Variants in ZNF75D observed in about 807,000 individuals in gnomAD.
The protein encoded by ZNF75D is zinc finger protein 75.
Under a neutral mutation model 33.3 loss-of-function variants are expected in ZNF75D, and 33 were observed. The observed-to-expected ratio is 0.99, with a 90% CI of 0.75 to 1.32. ZNF75D has a LOEUF of 1.32. ZNF75D is among the 40% of genes most tolerant of loss of function. The probability of loss-of-function intolerance (pLI) is 0.00; values close to 1 mark genes in which losing one functional copy is unlikely to be tolerated. For missense variants in ZNF75D, 338 were observed against 367.5 expected, an observed-to-expected ratio of 0.92 and a Z score of 0.66; for synonymous variants, 113 against 130.6, an observed-to-expected ratio of 0.87 and a Z score of 0.92.
At chrX:135,323,873 T>C (rs2084527619) in intron 1 of ZNF75D, among the ~76,000 whole-genome samples, 1 of 111,082 alleles carries the variant, frequency 9.0e-6, no homozygotes, top group Non-Finnish European at 1.9e-5. Context: ...CAGCTCAAAG[T>C]GCATCCTTTC....
chrX:135,300,798 A>G (rs1160476882), intron 1 of ZNF75D, among the ~76,000 whole-genome samples: 3 of 110,169 alleles, frequency 2.7e-5, no homozygotes, highest in Non-Finnish European at 5.7e-5. Context: ...GGAGAACTTT[A>G]TTTCTTAAGT....
At chrX:135,325,985 CCT>C in intron 1 of ZNF75D, among the ~76,000 whole-genome samples, 1 of 111,860 alleles carries the variant, frequency 8.9e-6, no homozygotes, top group African/African-American at 3.2e-5. Flanking sequence ...CAATCAGCAC[CCT>C]GTGTCTAGCT....
intron 2 of ZNF75D, 58 bp from the exon 3 acceptor site, chrX:135,294,316 AC>A: frequency 2.8e-6 from 1 of 356,148 alleles, no homozygotes; most frequent in East Asian, 4.2e-5. Context: ...ACACATATTT[AC>A]TTGCTATTTA....
Position 135,342,945 on chromosome X carries a change from T to C in ZNF75D, c.-1568A>G, listed in dbSNP as rs1356919620. The C allele has an allele frequency of 1.8e-5, 2 of 111,317 alleles. No homozygotes were observed. The highest frequency in any genetic ancestry group is 6.6e-5 in the African/African-American group (2 of 30,415). 9.2% of individuals were successfully genotyped at this position (111,317 alleles called of 1,213,427 possible). ...GCAGAGCCAGGAGTTGAAAGCCCCC[T>C]TTGATCTACCTCCAGAGCGGACACT... On this transcript the variant is annotated 5_prime_UTR_variant, in exon 1 of 7. Coordinates refer to ENST00000370766, the MANE Select transcript of ZNF75D (RefSeq NM_007131.5).
intron 1 of ZNF75D, among the ~76,000 whole-genome samples, chrX:135,321,579 C>A (rs1245478811): frequency 9.0e-5 from 10 of 111,488 alleles, no homozygotes; most frequent in Non-Finnish European, 1.7e-4. Flanking sequence ...GCAGAGAAAG[C>A]TGGAAGATGT....
intron 1 of ZNF75D, among the ~76,000 whole-genome samples, chrX:135,258,986 G>C (rs1463822726): frequency 8.9e-6 from 1 of 112,093 alleles, no homozygotes; most frequent in Non-Finnish European, 1.9e-5. Flanking sequence ...GTGTAAGGAA[G>C]GGATCCAGTT....
At chrX:135,280,164 C>G (rs1287876192) in intron 1 of ZNF75D, among the ~76,000 whole-genome samples, 10 of 111,771 alleles carry the variant, frequency 8.9e-5, no homozygotes, top group African/African-American at 3.3e-4. Flanking sequence ...AATCTGGGTC[C>G]TCCTGTATTG....
At chrX:135,269,786 G>A (rs2083875595) in intron 1 of ZNF75D, among the ~76,000 whole-genome samples, 2 of 111,483 alleles carry the variant, frequency 1.8e-5, no homozygotes, top group Admixed American at 9.6e-5. Flanking sequence ...AAGAGATATC[G>A]GCACTCCCAT....
intron 1 of ZNF75D, among the ~76,000 whole-genome samples, chrX:135,338,248 G>T (rs781994938): frequency 9.0e-6 from 1 of 111,131 alleles, no homozygotes; most frequent in Admixed American, 9.5e-5. Context: ...GCACAAGACA[G>T]GTAGACTCAG....
At chrX:135,266,205 A>T (rs2083862415) in intron 1 of ZNF75D, among the ~76,000 whole-genome samples, 1 of 111,976 alleles carries the variant, frequency 8.9e-6, no homozygotes, top group Admixed American at 9.5e-5. Context: ...GGAAGGAAAG[A>T]AAGAAGGAAG....
chrX:135,312,826 C>T (rs1556429160), intron 1 of ZNF75D, among the ~76,000 whole-genome samples: 1 of 111,316 alleles, frequency 9.0e-6, no homozygotes, highest in Admixed American at 9.5e-5. Flanking sequence ...CCATTTATGG[C>T]ATTTGCCCAC....
chrX:135,326,131 A>G (rs1485245088), intron 1 of ZNF75D, among the ~76,000 whole-genome samples: 2 of 109,992 alleles, frequency 1.8e-5, no homozygotes, highest in African/African-American at 6.7e-5. Flanking sequence ...GTTTGTAAAC[A>G]CACCAATCAG....
intron 1 of ZNF75D, among the ~76,000 whole-genome samples, chrX:135,328,186 C>T (rs2084605566): frequency 9.0e-6 from 1 of 111,007 alleles, no homozygotes; most frequent in Non-Finnish European, 1.9e-5. Flanking sequence ...ACACTGGCTC[C>T]CCACTCAGTC....
At chrX:135,318,618 TATTC>T (rs1347461703) in intron 1 of ZNF75D, among the ~76,000 whole-genome samples, 1 of 112,055 alleles carries the variant, frequency 8.9e-6, no homozygotes. Context: ...ACAAAATTAA[TATTC>T]ATTAACAATT....
intron 1 of ZNF75D, among the ~76,000 whole-genome samples, chrX:135,311,747 G>T (rs991620722): frequency 1.2e-4 from 13 of 111,653 alleles, no homozygotes; most frequent in Admixed American, 1.9e-4. Context: ...TGCTTCTATG[G>T]GTTCAACTTT....
In ZNF75D at chrX:135,312,180, A is replaced by T. The variant is rs1254955816; in HGVS notation, c.-390-16141T>A. Among the ~76,000 whole-genome samples the T allele has an allele frequency of 9.9e-5, 11 of 111,383 alleles. No homozygotes were observed. In the Admixed American group the frequency reaches 1.0e-3, roughly 11 times the overall value. ...ACACCCTTCCCAGACTCTGGTATCTATTATTCCATTCTCTCCCTCTATGAG... is the reference window on the plus strand; with the variant it reads ...ACACCCTTCCCAGACTCTGGTATCTTTTATTCCATTCTCTCCCTCTATGAG... On this transcript the variant is annotated intron_variant, in intron 1 of 6. Coordinates refer to ENST00000370766, the MANE Select transcript of ZNF75D (RefSeq NM_007131.5).
At chrX:135,340,374 C>T (rs1311354903) in intron 1 of ZNF75D, among the ~76,000 whole-genome samples, 2 of 111,866 alleles carry the variant, frequency 1.8e-5, no homozygotes, top group African/African-American at 3.3e-5. Flanking sequence ...GATTCCAAAT[C>T]CCCAAAATTA....
chrX:135,291,163 G>C (rs2084033369), intron 5 of ZNF75D, 28 bp from the exon 6 acceptor site: 1 of 1,205,266 alleles, frequency 8.3e-7, no homozygotes, highest in South Asian at 1.8e-5. Flanking sequence ...CTATAGTTTA[G>C]TACTTGCCAC....
chrX:135,256,911 C>A (rs782789497), intron 1 of ZNF75D, among the ~76,000 whole-genome samples: 57 of 111,715 alleles, frequency 5.1e-4, no homozygotes, highest in African/African-American at 1.8e-3. Flanking sequence ...TCCTGGGCGA[C>A]ATTTCTAGAT....
Sources: gnomAD v4.1 joint callset for allele counts (sites outside exome capture counted in the v4.1 genomes callset) on GRCh38, gnomAD v4.1.1 for gene constraint, MANE v1.5 for transcripts, NCBI Gene and HGNC (gene_info 2026-07-23, HGNC 2026-07-21) for gene names.